The following ARSB variants were observed in gnomAD, a reference collection of about 807,000 sequenced individuals.
ARSB encodes arylsulfatase B.
ARSB carries 41 observed loss-of-function variants against 50.9 expected under a neutral mutation model. The observed-to-expected ratio is 0.81, with a 90% CI of 0.63 to 1.04. The LOEUF (loss-of-function observed/expected upper bound fraction) is 1.04. Ranked by LOEUF, ARSB falls within the 50% of genes least tolerant of loss-of-function variation. The probability of loss-of-function intolerance (pLI) is 0.00; values close to 1 mark genes in which losing one functional copy is unlikely to be tolerated. For missense variants in ARSB, 672 were observed against 693.3 expected, an observed-to-expected ratio of 0.97 and a Z score of 0.35; for synonymous variants, 269 against 284.8, an observed-to-expected ratio of 0.94 and a Z score of 0.56.
chr5:78,866,840 C>G (rs1490360927), intron 5 of ARSB, among the ~76,000 whole-genome samples: 1 of 152,198 alleles, frequency 6.6e-6, no homozygotes, highest in Non-Finnish European at 1.5e-5. Context: ...AGGGACAGTT[C>G]CGGTCTACGG....
intron 4 of ARSB, among the ~76,000 whole-genome samples, chr5:78,943,445 C>T (rs1751042917): frequency 6.6e-6 from 1 of 152,186 alleles, no homozygotes; most frequent in African/African-American, 2.4e-5. Context: ...TTAGTGCTTC[C>T]TTCAGGAGCT....
intron 6 of ARSB, among the ~76,000 whole-genome samples, chr5:78,811,821 C>T (rs892569968): frequency 6.6e-6 from 1 of 152,108 alleles, no homozygotes. Context: ...GGAATCCTTC[C>T]CATATTTTTT....
intron 6 of ARSB, among the ~76,000 whole-genome samples, chr5:78,793,590 C>T (rs2112634850): frequency 6.6e-6 from 1 of 152,314 alleles, no homozygotes; most frequent in Admixed American, 6.5e-5. Context: ...AAGGAGACAG[C>T]AGAGAGCTGA....
intron 7 of ARSB, 113 bp downstream of exon 7, chr5:78,781,739 T>G: frequency 2.0e-6 from 3 of 1,473,434 alleles, no homozygotes; most frequent in Non-Finnish European, 2.8e-6. Context: ...TCCAGAGAAA[T>G]GGCCGTGGGA....
At chr5:78,864,569 C>G (rs1000713711) in intron 5 of ARSB, among the ~76,000 whole-genome samples, 3 of 152,076 alleles carry the variant, frequency 2.0e-5, no homozygotes, top group Non-Finnish European at 4.4e-5. Flanking sequence ...CACCCCTGGC[C>G]CCTCCCAAAT....
At chr5:78,872,196 GA>G (rs1403267252) in intron 5 of ARSB, among the ~76,000 whole-genome samples, 2 of 150,502 alleles carry the variant, frequency 1.3e-5, no homozygotes, top group East Asian at 4.0e-4. Flanking sequence ...GGAGAAACAG[GA>G]ACACTTTTAC....
At chr5:78,794,812 T>C (rs1017848670) in intron 6 of ARSB, among the ~76,000 whole-genome samples, 6 of 152,214 alleles carry the variant, frequency 3.9e-5, no homozygotes, top group African/African-American at 1.2e-4. Flanking sequence ...CTGACTGTCA[T>C]AGGCACTTAC....
intron 4 of ARSB, among the ~76,000 whole-genome samples, chr5:78,886,230 T>G (rs1226884812): frequency 1.3e-5 from 2 of 152,220 alleles, no homozygotes; most frequent in Admixed American, 1.3e-4. Context: ...GGAATTTCAC[T>G]TAGTGACTTA....
chr5:78,968,315 TTTATTATTATTATTATTATTATTATTA>T (rs138887783), intron 2 of ARSB, among the ~76,000 whole-genome samples: 38,907 of 143,082 alleles, frequency 0.27, 6,493 homozygotes, highest in African/African-American at 0.47. Context: ...CATTTTTTAT[TTTATTATTATTATTATTATTATTATTA>T]TTATTATTAT....
chr5:78,965,046 G>A (rs1198821609), intron 2 of ARSB, among the ~76,000 whole-genome samples: 1 of 152,184 alleles, frequency 6.6e-6, no homozygotes, highest in South Asian at 2.1e-4. Flanking sequence ...TGGCTTCAAG[G>A]TTATTTACAG....
At chr5:78,932,405 TGGTTG>T (rs1431145705) in intron 4 of ARSB, among the ~76,000 whole-genome samples, 6 of 152,340 alleles carry the variant, frequency 3.9e-5, no homozygotes, top group African/African-American at 1.4e-4. Flanking sequence ...CTAACATAAG[TGGTTG>T]CACTTAGCCT....
At chr5:78,822,868 C>A (rs539171915) in intron 6 of ARSB, among the ~76,000 whole-genome samples, 55 of 152,304 alleles carry the variant, frequency 3.6e-4, no homozygotes, top group Non-Finnish European at 6.2e-4. Flanking sequence ...GATCTCTTGA[C>A]CTCATGATCC....
At chr5:78,817,908 G>A (rs1011047714) in intron 6 of ARSB, among the ~76,000 whole-genome samples, 1 of 152,310 alleles carries the variant, frequency 6.6e-6, no homozygotes, top group African/African-American at 2.4e-5. Flanking sequence ...CACTTTGGGA[G>A]GCCAAGGCAG....
Position 78,847,471 on chromosome 5 carries a change from T to G in ARSB, c.1143-8045A>C, listed in dbSNP as rs556025486. On this transcript the variant is annotated intron_variant, in intron 5 of 7. Coordinates refer to ENST00000264914, the MANE Select transcript of ARSB (RefSeq NM_000046.5). ...TGTTGCTGGATTCAGTTTGCTAGCA[T>G]TTTGTTGAGGCTTTGTGTGTCTATG... Among the ~76,000 whole-genome samples the G allele has an allele frequency of 5.3e-5, 8 of 152,286 alleles. No individual in the cohort carries two copies. In the South Asian group the frequency reaches 1.7e-3, roughly 32 times the overall value.
At chr5:78,892,547 C>A (rs538407503) in intron 4 of ARSB, among the ~76,000 whole-genome samples, 22 of 152,106 alleles carry the variant, frequency 1.4e-4, no homozygotes, top group African/African-American at 5.3e-4. Flanking sequence ...GAAGCCACCA[C>A]GCCCAGCCTG....
At position 78,852,095 on chromosome 5, in the gene ARSB, T is replaced by C. The variant is rs1305608873; in HGVS notation, c.1143-12669A>G. On this transcript the variant is annotated intron_variant, in intron 5 of 7. Transcript: ENST00000264914. ...AATATTGTTATGTGTGAATTTGATC[T>C]TGTCATTATGATATTAGCTGGTTAT... 2.6e-5 allele frequency among the ~76,000 whole-genome samples: 4 copies of C among 152,308 alleles called. No individual in the cohort carries two copies. The South Asian group carries it at 6.2e-4, about 24-fold the overall frequency.
intron 5 of ARSB, 31 bp downstream of exon 5, chr5:78,885,553 C>G: frequency 6.2e-7 from 1 of 1,609,880 alleles, no homozygotes; most frequent in Non-Finnish European, 8.5e-7. Flanking sequence ...GAGTTTCTGT[C>G]CTGGGAGGAA....
intron 4 of ARSB, among the ~76,000 whole-genome samples, chr5:78,908,909 T>A (rs1749183175): frequency 6.6e-6 from 1 of 152,174 alleles, no homozygotes; most frequent in South Asian, 2.1e-4. Context: ...TGGTGCAACT[T>A]GACAGAGGTG....
intron 5 of ARSB, among the ~76,000 whole-genome samples, chr5:78,845,908 T>C (rs945638956): frequency 6.6e-6 from 1 of 152,170 alleles, no homozygotes; most frequent in Non-Finnish European, 1.5e-5. Context: ...TGTCTATTTT[T>C]GCTTTTGTTG....
Sources: allele counts gnomAD v4.1 joint callset (sites outside exome capture counted in the v4.1 genomes callset), GRCh38; gene constraint gnomAD v4.1.1; transcripts MANE v1.5; gene names NCBI Gene and HGNC (gene_info 2026-07-23, HGNC 2026-07-21).